Variants in GRM8 observed in about 807,000 individuals in gnomAD.
GRM8 encodes the protein glutamate metabotropic receptor 8.
Under a neutral mutation model 87.2 loss-of-function variants are expected in GRM8, and 47 were observed. The observed-to-expected ratio is 0.54, with a 90% CI of 0.43 to 0.69. The LOEUF is 0.69. Among genes scored for constraint, GRM8 ranks in the 30% least tolerant of loss-of-function variants. GRM8 has a pLI of 0.00. For missense variants in GRM8, 1,019 were observed against 1,139.2 expected, an observed-to-expected ratio of 0.89 and a Z score of 1.52; for synonymous variants, 396 against 404.5, an observed-to-expected ratio of 0.98 and a Z score of 0.25.
chr7:126,702,175 C>T (rs749067720), intron 7 of GRM8, among the ~76,000 whole-genome samples: 71 of 152,168 alleles, frequency 4.7e-4, no homozygotes, highest in Non-Finnish European at 9.0e-4. Flanking sequence ...GTGGAGCTTA[C>T]AGTCCAGCAG....
chr7:126,674,450 C>T (rs182954079), intron 7 of GRM8, among the ~76,000 whole-genome samples: 1 of 152,268 alleles, frequency 6.6e-6, no homozygotes, highest in East Asian at 1.9e-4. Context: ...ATCTTAATAG[C>T]ACTGGTTTCA....
chr7:126,804,254 TAAGGA>T lies in GRM8; in HGVS notation c.1157-34194_1157-34190del, dbSNP rs555118908. On this transcript the variant is annotated intron_variant, in intron 6 of 10. Transcript: ENST00000339582. Reference sequence around the variant, plus strand: ...CTTTTTTCCCTTATCTCTACTACTTTAAGGAAAGCTCTTACTTAGCAGGATCACTT... The same window carrying T: ...CTTTTTTCCCTTATCTCTACTACTTTAAGCTCTTACTTAGCAGGATCACTT... 2.0e-3 allele frequency among the ~76,000 whole-genome samples: 302 copies of T among 152,326 alleles called. 2 individuals are homozygous for T. The highest frequency in any genetic ancestry group is 6.7e-3 in the African/African-American group (278 of 41,584).
At chr7:126,967,831 A>T (rs1810031451) in intron 3 of GRM8, among the ~76,000 whole-genome samples, 1 of 152,196 alleles carries the variant, frequency 6.6e-6, no homozygotes, top group African/African-American at 2.4e-5. Context: ...CCTCGCTTCA[A>T]ACAGAACAGT....
intron 7 of GRM8, among the ~76,000 whole-genome samples, chr7:126,650,300 C>G (rs1246380906): frequency 6.6e-6 from 1 of 152,206 alleles, no homozygotes; most frequent in Non-Finnish European, 1.5e-5. Flanking sequence ...CTCACCCAGC[C>G]TGCACCAATG....
At chr7:126,471,087 T>C (rs961998027) in intron 9 of GRM8, among the ~76,000 whole-genome samples, 1 of 152,098 alleles carries the variant, frequency 6.6e-6, no homozygotes, top group Non-Finnish European at 1.5e-5. Context: ...ATTCTGGATA[T>C]TAGCCCTTTG....
intron 7 of GRM8, among the ~76,000 whole-genome samples, chr7:126,618,695 C>T (rs1424608624): frequency 3.9e-5 from 6 of 151,916 alleles, no homozygotes. Flanking sequence ...AAAACAACCC[C>T]ATCAACAAGT....
intron 7 of GRM8, among the ~76,000 whole-genome samples, chr7:126,682,603 T>G (rs1476053513): frequency 2.0e-5 from 3 of 152,354 alleles, no homozygotes; most frequent in African/African-American, 7.2e-5. Context: ...CTGCCAATAT[T>G]TTAGCAAAGA....
At chr7:126,567,438 T>C (rs1464550604) in intron 8 of GRM8, among the ~76,000 whole-genome samples, 1 of 151,832 alleles carries the variant, frequency 6.6e-6, no homozygotes, top group Non-Finnish European at 1.5e-5. Context: ...GGGATAGCAT[T>C]AGGAGATATA....
chr7:127,228,461 T>C (rs1486762242), intron 2 of GRM8: 2 of 152,160 alleles, frequency 1.3e-5, no homozygotes, highest in East Asian at 1.9e-4. Flanking sequence ...GAAAAAGAGA[T>C]GCACAAGACA....
intron 2 of GRM8, among the ~76,000 whole-genome samples, chr7:127,188,258 C>A (rs1794839067): frequency 6.6e-6 from 1 of 152,128 alleles, no homozygotes; most frequent in Non-Finnish European, 1.5e-5. Flanking sequence ...AGTCATATAA[C>A]TAGTAAGTGA....
chr7:127,236,299 C>T (rs1417377389), intron 2 of GRM8, among the ~76,000 whole-genome samples: 1 of 152,232 alleles, frequency 6.6e-6, no homozygotes, highest in East Asian at 1.9e-4. Flanking sequence ...ATGTTTCCTT[C>T]TTTCTCCGCT....
intron 9 of GRM8, among the ~76,000 whole-genome samples, chr7:126,466,805 C>T (rs1804553717): frequency 6.6e-6 from 1 of 151,890 alleles, no homozygotes; most frequent in African/African-American, 2.4e-5. Context: ...CTTCTTTACT[C>T]AGTCTACCTA....
intron 7 of GRM8, among the ~76,000 whole-genome samples, chr7:126,761,786 C>G (rs1817610234): frequency 1.3e-5 from 2 of 152,308 alleles, no homozygotes; most frequent in East Asian, 3.9e-4. Flanking sequence ...ATGCTCTTCC[C>G]TGTCTTCAAG....
chr7:126,620,010 A>T (rs1035587612), intron 7 of GRM8, among the ~76,000 whole-genome samples: 1 of 151,686 alleles, frequency 6.6e-6, no homozygotes, highest in African/African-American at 2.4e-5. Context: ...TTAATTTTTT[A>T]AAATGGTTTT....
chr7:126,818,707 C>T (rs895319048), intron 6 of GRM8, among the ~76,000 whole-genome samples: 3 of 152,180 alleles, frequency 2.0e-5, no homozygotes, highest in Non-Finnish European at 2.9e-5. Context: ...AGTAATTTTT[C>T]TCTAGCATTA....
At chr7:127,119,187 A>G (rs1329123066) in intron 2 of GRM8, among the ~76,000 whole-genome samples, 1 of 152,090 alleles carries the variant, frequency 6.6e-6, no homozygotes, top group Non-Finnish European at 1.5e-5. Flanking sequence ...TGGGGAGCAG[A>G]GGCAAGAACC....
intron 6 of GRM8, among the ~76,000 whole-genome samples, chr7:126,901,361 T>A (rs1802058748): frequency 6.6e-6 from 1 of 152,216 alleles, no homozygotes; most frequent in Non-Finnish European, 1.5e-5. Context: ...GTTGTATTTC[T>A]TCTAAGCACA....
At chr7:126,593,937 C>T (rs1796923659) in intron 8 of GRM8, among the ~76,000 whole-genome samples, 1 of 151,884 alleles carries the variant, frequency 6.6e-6, no homozygotes, top group Admixed American at 6.6e-5. Context: ...GGGCAAAGGA[C>T]CTGAATAGAT....
rs931972524 is a variant in GRM8, at chr7:126,717,056, T to G, written c.1357+52809A>C. Among the ~76,000 whole-genome samples, 6 of 152,318 alleles carry G rather than the reference T, an allele frequency of 3.9e-5. No homozygotes were observed. In the East Asian group the frequency reaches 1.2e-3, roughly 29 times the overall value. ...GAAATAGGGAGTAAGATCATTTGCCTGAGAGATGCAGCAGATTATGAAAAT... is the reference window on the plus strand; with the variant it reads ...GAAATAGGGAGTAAGATCATTTGCCGGAGAGATGCAGCAGATTATGAAAAT... On this transcript the variant is annotated intron_variant, in intron 7 of 10. Transcript: ENST00000339582.
Sources: gnomAD v4.1 joint callset for allele counts (sites outside exome capture counted in the v4.1 genomes callset) on GRCh38, gnomAD v4.1.1 for gene constraint, MANE v1.5 for transcripts, NCBI Gene and HGNC (gene_info 2026-07-23, HGNC 2026-07-21) for gene names.